Variants in HTR2C observed in about 807,000 individuals in gnomAD.
The protein encoded by HTR2C is 5-hydroxytryptamine (serotonin) receptor 2C, G protein-coupled.
A neutral mutation model predicts 21.0 loss-of-function variants in HTR2C; 5 were observed. That is an observed-to-expected ratio of 0.24 (90% CI 0.12 to 0.50). HTR2C has a LOEUF of 0.50. Ranked by LOEUF, HTR2C falls within the 20% of genes least tolerant of loss-of-function variation. The pLI is 0.98. For missense variants in HTR2C, 271 were observed against 371.2 expected (o/e 0.73, Z 2.22); for synonymous variants, 150 against 145.3 (o/e 1.03, Z -0.23).
chrX:114,817,562 A>G (rs1449672044), intron 4 of HTR2C, among the ~76,000 whole-genome samples: 1 of 111,877 alleles, frequency 8.9e-6, no homozygotes, highest in Non-Finnish European at 1.9e-5. Context: ...GTTGTTAAGA[A>G]TAGCAATCTC....
At chrX:114,874,469 T>C (rs1161252968) in intron 5 of HTR2C, among the ~76,000 whole-genome samples, 3 of 111,321 alleles carry the variant, frequency 2.7e-5, no homozygotes, top group Non-Finnish European at 5.7e-5. Flanking sequence ...TTTTTAATAA[T>C]AACCATTCTA....
intron 2 of HTR2C, among the ~76,000 whole-genome samples, chrX:114,649,712 T>G (rs1556408151): frequency 1.8e-5 from 2 of 110,683 alleles, no homozygotes; most frequent in East Asian, 5.6e-4. Context: ...GCCTCCCAGG[T>G]TCAAGCAATT....
At chrX:114,726,373 C>T (rs1047808658) in intron 2 of HTR2C, among the ~76,000 whole-genome samples, 2 of 112,307 alleles carry the variant, frequency 1.8e-5, no homozygotes, top group African/African-American at 6.5e-5. Flanking sequence ...CCTGCTTCGG[C>T]TCGCGCACGG....
At position 114,632,605 on chromosome X, in the gene HTR2C, G is replaced by T. The variant is rs201794552; in HGVS notation, c.-80+18724G>T. Among the ~76,000 whole-genome samples, 29 of 111,040 alleles carry T rather than the reference G, an allele frequency of 2.6e-4. No homozygotes were observed. In the East Asian group the frequency reaches 7.6e-3, roughly 29 times the overall value. On this transcript the variant is annotated intron_variant, in intron 2 of 5. Coordinates refer to ENST00000276198, the MANE Select transcript of HTR2C (RefSeq NM_000868.4). Reference sequence around the variant, plus strand: ...TAATGAGTTCTTTATGCCATAGTTTGGTATATATTTTAAACATTATAATTC... The same window carrying T: ...TAATGAGTTCTTTATGCCATAGTTTTGTATATATTTTAAACATTATAATTC...
At chrX:114,703,340 C>A (rs781958583) in intron 2 of HTR2C, among the ~76,000 whole-genome samples, 1 of 109,989 alleles carries the variant, frequency 9.1e-6, no homozygotes, top group East Asian at 2.9e-4. Flanking sequence ...TGTAAAAGAA[C>A]AGAAATTATA....
chrX:114,598,241 T>C (rs782655231), intron 1 of HTR2C, among the ~76,000 whole-genome samples: 7 of 111,829 alleles, frequency 6.3e-5, no homozygotes, highest in Admixed American at 3.8e-4. Context: ...GAAGTGTAAA[T>C]TTGGATCAAC....
rs1486070133 is a variant in HTR2C at position 114,902,006 on chromosome X, G to A, written c.551-4583G>A. ...TTAGTGACACCTGATATTTTCAATG[G>A]TAGTTCATATCTAGTTTTCCTCTTT... On this transcript the variant is annotated intron_variant, in intron 5 of 5. Transcript: ENST00000276198. Among the ~76,000 whole-genome samples, 7 of 111,176 alleles carry A rather than the reference G, an allele frequency of 6.3e-5. No homozygotes were observed. In the East Asian group the frequency reaches 2.0e-3, roughly 31 times the overall value.
intron 2 of HTR2C, among the ~76,000 whole-genome samples, chrX:114,686,862 A>G (rs78514959): frequency 0.011 from 1,277 of 111,361 alleles, 14 homozygotes; most frequent in African/African-American, 0.039. Context: ...AACAAAATAA[A>G]TTAAATAATA....
At chrX:114,823,328 A>G (rs75034215) in intron 4 of HTR2C, 114 of 315,836 alleles carry the variant, frequency 3.6e-4, no homozygotes, top group Admixed American at 1.6e-3. Context: ...CAACCAGTTC[A>G]TCAGGAAAAG....
At chrX:114,754,807 T>A (rs1214315401) in intron 4 of HTR2C, among the ~76,000 whole-genome samples, 1 of 112,061 alleles carries the variant, frequency 8.9e-6, no homozygotes, top group East Asian at 2.8e-4. Flanking sequence ...ACTTTTGCTC[T>A]GCAAAAGAGC....
intron 5 of HTR2C, among the ~76,000 whole-genome samples, chrX:114,887,349 A>G (rs1156883720): frequency 9.0e-6 from 1 of 111,713 alleles, no homozygotes; most frequent in Non-Finnish European, 1.9e-5. Context: ...ATTAATATTA[A>G]TGAATCCATT....
At chrX:114,725,517 G>A (rs1241420790) in intron 2 of HTR2C, among the ~76,000 whole-genome samples, 3 of 112,140 alleles carry the variant, frequency 2.7e-5, no homozygotes, top group Non-Finnish European at 5.6e-5. Flanking sequence ...CTCTCAGCTC[G>A]TCAAAGTCAT....
chrX:114,603,468 G>A (rs1161107109), intron 1 of HTR2C, among the ~76,000 whole-genome samples: 4 of 107,358 alleles, frequency 3.7e-5, no homozygotes, highest in East Asian at 3.0e-4. Flanking sequence ...TGGCTCTTGT[G>A]TAAGAATTCT....
chrX:114,722,498 C>T (rs191077797), intron 2 of HTR2C, among the ~76,000 whole-genome samples: 111 of 111,073 alleles, frequency 1.0e-3, no homozygotes, highest in African/African-American at 3.5e-3. Flanking sequence ...TAATTGAATA[C>T]CCTTTATTTC....
chrX:114,677,414 CAATG>C (rs1311624400), intron 2 of HTR2C, among the ~76,000 whole-genome samples: 1 of 110,401 alleles, frequency 9.1e-6, no homozygotes, highest in Non-Finnish European at 1.9e-5. Context: ...AACTATGTCT[CAATG>C]AAATATTAGT....
chrX:114,768,805 T>C (rs1278318157), intron 4 of HTR2C, among the ~76,000 whole-genome samples: 2 of 111,795 alleles, frequency 1.8e-5, no homozygotes, highest in Non-Finnish European at 3.8e-5. Flanking sequence ...TTGTAAGCTC[T>C]ATTTAATTAC....
chrX:114,756,357 A>T (rs1397739053), intron 4 of HTR2C, among the ~76,000 whole-genome samples: 2 of 111,621 alleles, frequency 1.8e-5, no homozygotes, highest in Non-Finnish European at 3.8e-5. Flanking sequence ...CTTTTATCCC[A>T]GAGAAATGAA....
At chrX:114,710,766 A>G (rs782042943) in intron 2 of HTR2C, among the ~76,000 whole-genome samples, 1 of 111,462 alleles carries the variant, frequency 9.0e-6, no homozygotes, top group Admixed American at 9.6e-5. Context: ...CTTAGACAGT[A>G]GTACTTCCCA....
At chrX:114,746,154 T>C (rs1010705234) in intron 4 of HTR2C, among the ~76,000 whole-genome samples, 1 of 111,482 alleles carries the variant, frequency 9.0e-6, no homozygotes, top group Non-Finnish European at 1.9e-5. Context: ...AAAATCTCCA[T>C]GCCTGGATAG....
Sources: allele counts gnomAD v4.1 joint callset (sites outside exome capture counted in the v4.1 genomes callset), GRCh38; gene constraint gnomAD v4.1.1; transcripts MANE v1.5; gene names NCBI Gene and HGNC (gene_info 2026-07-23, HGNC 2026-07-21).